Variants in RBM6 observed in about 807,000 individuals in gnomAD.
RBM6 encodes the protein RNA binding motif protein 6.
Under a neutral mutation model 140.4 loss-of-function variants are expected in RBM6, and 23 were observed. The observed-to-expected ratio is 0.16, with a 90% CI of 0.12 to 0.23. RBM6 has a LOEUF of 0.23. RBM6 is among the 10% of genes least tolerant of loss of function. The probability of loss-of-function intolerance (pLI) is 1.00; values close to 1 mark genes in which losing one functional copy is unlikely to be tolerated. For missense variants in RBM6, 1,139 were observed against 1,386.7 expected (o/e 0.82, Z 2.84); for synonymous variants, 439 against 475.6 (o/e 0.92, Z 1.00).
intron 1 of RBM6, among the ~76,000 whole-genome samples, chr3:49,948,293 T>A (rs2083581567): frequency 6.6e-6 from 1 of 152,056 alleles, no homozygotes; most frequent in African/African-American, 2.4e-5. Flanking sequence ...TTTAGGAGGC[T>A]GAGGTGGGCA....
chr3:50,008,954 G>A (rs1442548565), intron 6 of RBM6, among the ~76,000 whole-genome samples: 1 of 152,194 alleles, frequency 6.6e-6, no homozygotes, highest in Non-Finnish European at 1.5e-5. Flanking sequence ...TGTAGTATAT[G>A]TAAAGTGATC....
intron 1 of RBM6, among the ~76,000 whole-genome samples, chr3:49,943,277 A>C (rs184066585): frequency 6.6e-6 from 1 of 151,986 alleles, no homozygotes; most frequent in Admixed American, 6.6e-5. Context: ...AAATTGCTAT[A>C]TGGTAATTAT....
intron 5 of RBM6, among the ~76,000 whole-genome samples, chr3:49,977,171 T>A (rs2085099652): frequency 6.6e-6 from 1 of 152,204 alleles, no homozygotes; most frequent in Non-Finnish European, 1.5e-5. Flanking sequence ...CCTTGGCTGT[T>A]TGATCTCATT....
At chr3:49,982,424 G>GT (rs374061988) in intron 5 of RBM6, among the ~76,000 whole-genome samples, 2 of 151,492 alleles carry the variant, frequency 1.3e-5, no homozygotes, top group East Asian at 1.9e-4. Context: ...AATTTGTTTG[G>GT]TTTTTTTGAG....
Position 50,048,260 on chromosome 3 carries a change from C to G in RBM6, c.1573C>G (p.Gln525Glu). The G allele has an allele frequency of 6.2e-7, 1 of 1,613,192 alleles. No individual in the cohort carries two copies. Among genetic ancestry groups the G allele is most frequent in the South Asian group, 1.1e-5 (1 of 90,834 alleles). The change falls in exon 7 of 21, where the codon CAG (glutamine) becomes GAG (glutamate). Residue 525 changes from glutamine to glutamate, a missense_variant. Transcript: ENST00000266022. Reference sequence around the variant, plus strand: ...GTCTTTACAGGGAACTCTAATGATCCAGGACAAAGAAGTTACCCTGGAGTA... The same window carrying G: ...GTCTTTACAGGGAACTCTAATGATCGAGGACAAAGAAGTTACCCTGGAGTA... ...MEANQGTLMIQDKEVTLEYVS... is the reference protein window; with the variant it reads ...MEANQGTLMIEDKEVTLEYVS...
At chr3:49,944,748 T>A (rs994657331) in intron 1 of RBM6, among the ~76,000 whole-genome samples, 18 of 152,084 alleles carry the variant, frequency 1.2e-4, no homozygotes, top group African/African-American at 4.1e-4. Context: ...AGTGGTGGAA[T>A]TACAGGTGTC....
chr3:49,997,470 A>G (rs1171650339), intron 5 of RBM6, among the ~76,000 whole-genome samples: 5 of 152,150 alleles, frequency 3.3e-5, no homozygotes, highest in Non-Finnish European at 7.4e-5. Flanking sequence ...CACAGTAGTT[A>G]CTTCTTTAAG....
chr3:50,063,526 C>T (rs1575855934), intron 15 of RBM6, among the ~76,000 whole-genome samples: 1 of 151,652 alleles, frequency 6.6e-6, no homozygotes, highest in African/African-American at 2.4e-5. Context: ...TCGCTTGAGC[C>T]CAGGAGATTG....
chr3:50,072,823 C>T (rs1218452014), intron 19 of RBM6, among the ~76,000 whole-genome samples: 2 of 152,118 alleles, frequency 1.3e-5, no homozygotes, highest in African/African-American at 2.4e-5. Context: ...GACACCTTGG[C>T]CTTGAGTCTT....
chr3:50,076,974 A>G lies in RBM6; in HGVS notation c.3247-34A>G, dbSNP rs746015928. On this transcript the variant is annotated intron_variant, in intron 20 of 20. Transcript: ENST00000266022. ...CCAGCGCTGAGGCTAATTAATCTAT[A>G]GGGCCCACTTCATAGTTTGTCTTTG... 5.0e-6 allele frequency: 8 copies of G among 1,588,702 alleles called. No individual in the cohort carries two copies. The South Asian group carries it at 8.0e-5, about 16-fold the overall frequency.
At chr3:50,006,966 G>T (rs1308505734) in intron 6 of RBM6, among the ~76,000 whole-genome samples, 8 of 151,244 alleles carry the variant, frequency 5.3e-5, no homozygotes, top group Non-Finnish European at 1.0e-4. Context: ...CTGGCACAAA[G>T]TGAATGTTGA....
intron 6 of RBM6, among the ~76,000 whole-genome samples, chr3:50,010,049 G>T (rs1338221967): frequency 6.6e-6 from 1 of 151,830 alleles, no homozygotes; most frequent in African/African-American, 2.4e-5. Context: ...ACCACACCTG[G>T]CTAATTTTTG....
At chr3:50,024,168 A>G (rs989468791) in intron 6 of RBM6, among the ~76,000 whole-genome samples, 7 of 152,244 alleles carry the variant, frequency 4.6e-5, no homozygotes, top group Non-Finnish European at 4.4e-5. Flanking sequence ...AAATGGCTCT[A>G]TTGATGATGT....
At chr3:49,944,676 A>G (rs1392368723) in intron 1 of RBM6, among the ~76,000 whole-genome samples, 2 of 151,474 alleles carry the variant, frequency 1.3e-5, no homozygotes, top group African/African-American at 2.4e-5. Context: ...GAGTTTCGCC[A>G]TGTTGGGCAG....
intron 6 of RBM6, among the ~76,000 whole-genome samples, chr3:50,008,341 A>G (rs1237761724): frequency 6.6e-6 from 1 of 152,144 alleles, no homozygotes; most frequent in East Asian, 1.9e-4. Context: ...AATTTGTTCT[A>G]AATTGGAAAT....
chr3:50,068,115 G>T (rs1266372528), intron 17 of RBM6, among the ~76,000 whole-genome samples: 2 of 152,166 alleles, frequency 1.3e-5, no homozygotes, highest in African/African-American at 4.8e-5. Flanking sequence ...AAACTGAACT[G>T]GTCATAGGAC....
intron 1 of RBM6, among the ~76,000 whole-genome samples, chr3:49,944,148 T>C (rs565172712): frequency 2.5e-4 from 38 of 152,306 alleles, no homozygotes; most frequent in Admixed American, 2.0e-3. Flanking sequence ...CATTGAATAG[T>C]AACTCCCTAT....
At chr3:50,069,784 T>A (rs1406659718) in intron 18 of RBM6, among the ~76,000 whole-genome samples, 1 of 152,218 alleles carries the variant, frequency 6.6e-6, no homozygotes. Flanking sequence ...TAGATTGTAG[T>A]ATTTTTCCTT....
chr3:50,076,751 T>TG (rs903524346), intron 20 of RBM6, among the ~76,000 whole-genome samples: 1 of 151,566 alleles, frequency 6.6e-6, no homozygotes, highest in African/African-American at 2.4e-5. Flanking sequence ...CCGGGCGTGG[T>TG]GGCAGGCGCC....
Sources: allele counts gnomAD v4.1 joint callset (sites outside exome capture counted in the v4.1 genomes callset), GRCh38; gene constraint gnomAD v4.1.1; transcripts MANE v1.5; gene names NCBI Gene and HGNC (gene_info 2026-07-23, HGNC 2026-07-21).